DPY19L4: variants seen among roughly 807,000 people sequenced by gnomAD.
DPY19L4 encodes probable C-mannosyltransferase DPY19L4.
DPY19L4 carries 97 observed loss-of-function variants against 102.8 expected under a neutral mutation model. The ratio of observed to expected loss-of-function variants is 0.94; its 90% CI spans 0.80 to 1.12. DPY19L4 has a LOEUF of 1.12. Ranked by LOEUF, DPY19L4 falls within the 50% of genes most tolerant of loss-of-function variation. The probability of loss-of-function intolerance (pLI) is 0.00; values close to 1 mark genes in which losing one functional copy is unlikely to be tolerated. For missense variants in DPY19L4, 815 were observed against 850.4 expected, an observed-to-expected ratio of 0.96 and a Z score of 0.52; for synonymous variants, 252 against 283.1, an observed-to-expected ratio of 0.89 and a Z score of 1.10.
At chr8:94,722,243 TA>T (rs1307958559) in intron 1 of DPY19L4, among the ~76,000 whole-genome samples, 1 of 151,482 alleles carries the variant, frequency 6.6e-6, no homozygotes, top group Non-Finnish European at 1.5e-5. Context: ...CTGTCTCTAC[TA>T]AAAAATACAA....
chr8:94,770,918 T>A (rs574059019), intron 13 of DPY19L4, among the ~76,000 whole-genome samples: 1 of 141,786 alleles, frequency 7.1e-6, no homozygotes, highest in East Asian at 2.0e-4. Context: ...CCACAAAGAT[T>A]GTCTTTTTTT....
At chr8:94,723,684 C>T (rs762587459) in intron 1 of DPY19L4, among the ~76,000 whole-genome samples, 4 of 152,036 alleles carry the variant, frequency 2.6e-5, no homozygotes, top group African/African-American at 7.2e-5. Context: ...CTGTATTTAT[C>T]GAGTCGTACT....
Position 94,720,003 on chromosome 8 carries a change from C to A in DPY19L4, c.5C>A (p.Ala2Glu). The A allele has an allele frequency of 6.5e-7, 1 of 1,529,162 alleles. No individual in the cohort carries two copies. The highest frequency in any genetic ancestry group is 8.8e-7 in the Non-Finnish European group (1 of 1,139,516). The allele number at this position is 1,529,162 out of a possible 1,614,324, so 94.7% of individuals were successfully genotyped here. The change falls in exon 1 of 19, where the codon GCG becomes GAG. Residue 2 changes from alanine (A) to glutamate (E), a missense_variant. Transcript: ENST00000414645. M[A>E]EEEGPPVELR... ...GCCCTAGCCTTCGCAGAAACGATGGCGGAGGAAGAAGGTGATTGCCGCGGG... is the reference window on the plus strand; with the variant it reads ...GCCCTAGCCTTCGCAGAAACGATGGAGGAGGAAGAAGGTGATTGCCGCGGG...
intron 1 of DPY19L4, among the ~76,000 whole-genome samples, chr8:94,723,473 C>CA (rs760272562): frequency 0.011 from 1,329 of 121,606 alleles, 14 homozygotes; most frequent in South Asian, 0.023. Flanking sequence ...AACTCCGTCT[C>CA]AAAAAAAAAA....
At chr8:94,725,336 A>G (rs550083850) in intron 1 of DPY19L4, among the ~76,000 whole-genome samples, 7 of 152,228 alleles carry the variant, frequency 4.6e-5, no homozygotes, top group African/African-American at 7.2e-5. Context: ...GATTAATTCT[A>G]GGGAGGAAAA....
intron 6 of DPY19L4, among the ~76,000 whole-genome samples, chr8:94,754,937 C>A (rs111286919): frequency 1.3e-5 from 2 of 152,086 alleles, no homozygotes; most frequent in Non-Finnish European, 2.9e-5. Flanking sequence ...TACAGGCACG[C>A]GCCACCACGG....
At chr8:94,729,865 A>G (rs1810867831) in intron 2 of DPY19L4, among the ~76,000 whole-genome samples, 1 of 152,134 alleles carries the variant, frequency 6.6e-6, no homozygotes, top group African/African-American at 2.4e-5. Flanking sequence ...AAAAAATTTG[A>G]AAAATACAAC....
intron 6 of DPY19L4, among the ~76,000 whole-genome samples, chr8:94,740,691 G>A (rs1459596572): frequency 2.0e-5 from 3 of 152,102 alleles, no homozygotes; most frequent in East Asian, 3.9e-4. Flanking sequence ...TCCTGACCTC[G>A]TGATCCACCC....
chr8:94,754,376 A>C (rs756725070), intron 6 of DPY19L4, among the ~76,000 whole-genome samples: 1 of 152,026 alleles, frequency 6.6e-6, no homozygotes, highest in Non-Finnish European at 1.5e-5. Flanking sequence ...GGTTGGATTT[A>C]TTGCTGTTGC....
In DPY19L4 at chr8:94,734,773, G is replaced by A. The variant is rs764017470; in HGVS notation, c.252+19G>A. On this transcript the variant is annotated intron_variant, in intron 3 of 18. Coordinates refer to ENST00000414645, the MANE Select transcript of DPY19L4 (RefSeq NM_181787.3). ...CAGGCAGGTAAGAAGAAAGAATTTTGAGCATATGAAAGTTATTTTCCCAGG... is the reference window on the plus strand; with the variant it reads ...CAGGCAGGTAAGAAGAAAGAATTTTAAGCATATGAAAGTTATTTTCCCAGG... 5.0e-6 allele frequency: 8 copies of A among 1,612,676 alleles called. No individual in the cohort carries two copies. The East Asian group carries it at 1.3e-4, about 27-fold the overall frequency.
At position 94,790,964 on chromosome 8, in the gene DPY19L4, C is replaced by T. The variant is rs1813864342; in HGVS notation, c.*1054C>T. The T allele has an allele frequency of 6.6e-6, 1 of 152,086 alleles. No individual in the cohort carries two copies. Among genetic ancestry groups the T allele is most frequent in the South Asian group, 2.1e-4 (1 of 4,836 alleles). The allele number at this position is 152,086 out of a possible 1,614,324, so 9.4% of individuals were successfully genotyped here. ...TAATAAAATTTACAACACAGTTTCA[C>T]AGTCTAAATGCTATGTTCCTTTAAG... On this transcript the variant is annotated 3_prime_UTR_variant, in exon 19 of 19. Coordinates refer to ENST00000414645, the MANE Select transcript of DPY19L4 (RefSeq NM_181787.3).
intron 16 of DPY19L4, among the ~76,000 whole-genome samples, chr8:94,782,355 CA>C (rs1226878895): frequency 2.7e-4 from 41 of 152,156 alleles, no homozygotes; most frequent in Non-Finnish European, 4.4e-5. Context: ...CCAAGAGCAG[CA>C]AAAGAGGGCA....
At chr8:94,756,233 A>C in intron 7 of DPY19L4, 74 bp downstream of exon 7, 3 of 1,555,880 alleles carry the variant, frequency 1.9e-6, no homozygotes, top group Middle Eastern at 1.7e-4. Flanking sequence ...ATAGCAAATA[A>C]ATTTTAGTCC....
rs760303555 is a variant in DPY19L4 at position 94,783,808 on chromosome 8, A to G, written c.1848+6A>G. The G allele has an allele frequency of 2.5e-6, 4 of 1,613,790 alleles. No homozygotes were observed. Among genetic ancestry groups the G allele is most frequent in the Admixed American group, 1.7e-5 (1 of 59,988 alleles). ...TTCTCAAGAGAAATGAAAATGTAAG[A>G]CATTTTAAATTCTACATTTGGATCT... is the stretch of plus-strand genomic sequence containing the variant. On this transcript the variant is annotated splice_donor_region_variant and intron_variant, in intron 17 of 18. Transcript: ENST00000414645.
chr8:94,787,119 A>G (rs763962256), intron 17 of DPY19L4, among the ~76,000 whole-genome samples: 30 of 152,206 alleles, frequency 2.0e-4, no homozygotes, highest in Non-Finnish European at 3.7e-4. Flanking sequence ...TAAAATGTGA[A>G]TAGTGCCAAG....
intron 6 of DPY19L4, among the ~76,000 whole-genome samples, chr8:94,742,752 G>C (rs1449723617): frequency 1.3e-5 from 2 of 151,924 alleles, no homozygotes; most frequent in Admixed American, 6.6e-5. Flanking sequence ...GTAGAGATGG[G>C]GTTTCACCAT....
chr8:94,747,067 T>C (rs1811707598), intron 6 of DPY19L4, among the ~76,000 whole-genome samples: 1 of 152,112 alleles, frequency 6.6e-6, no homozygotes, highest in Admixed American at 6.6e-5. Context: ...TTGCTGTTGT[T>C]TCGGGTTTTT....
chr8:94,737,773 ACT>A (rs1406560124), intron 3 of DPY19L4, among the ~76,000 whole-genome samples: 21 of 131,520 alleles, frequency 1.6e-4, no homozygotes, highest in African/African-American at 6.8e-4. Context: ...ACAGAGCAAG[ACT>A]CTGTTTCAAA....
chr8:94,786,041 C>T (rs12547930), intron 17 of DPY19L4, among the ~76,000 whole-genome samples: 100,324 of 152,094 alleles, frequency 0.66, 33,198 homozygotes, highest in East Asian at 0.79. Context: ...TGGTATGTAG[C>T]ACATAGCAGG....
Sources: allele counts gnomAD v4.1 joint callset (sites outside exome capture counted in the v4.1 genomes callset), GRCh38; gene constraint gnomAD v4.1.1; transcripts MANE v1.5; gene names NCBI Gene and HGNC (gene_info 2026-07-23, HGNC 2026-07-21).